Variants in NFAM1 observed in about 807,000 individuals in gnomAD.
NFAM1 encodes the protein NFAT activating protein with ITAM motif 1, also known as NFAT activation molecule 1.
Under a neutral mutation model 29.0 loss-of-function variants are expected in NFAM1, and 17 were observed. The observed-to-expected ratio is 0.59, with a 90% CI of 0.40 to 0.88. The LOEUF is 0.88. NFAM1 is among the 40% of genes least tolerant of loss of function. The pLI is 0.00. For synonymous variants in NFAM1, 175 were observed against 147.2 expected (o/e 1.19, Z -1.36); for missense variants, 324 against 344.6 (o/e 0.94, Z 0.47).
chr22:42,420,838 C>A (rs1930422225), intron 1 of NFAM1, among the ~76,000 whole-genome samples: 1 of 152,182 alleles, frequency 6.6e-6, no homozygotes, highest in Admixed American at 6.5e-5. Flanking sequence ...AAATATACTT[C>A]TTTAAAGGGA....
At chr22:42,402,831 CTTTT>C (rs35045065) in intron 3 of NFAM1, among the ~76,000 whole-genome samples, 2 of 97,120 alleles carry the variant, frequency 2.1e-5, no homozygotes, top group East Asian at 6.5e-4. Flanking sequence ...TCTGTGCCTT[CTTTT>C]TTTTTTTTTT....
At position 42,411,484 on chromosome 22, in the gene NFAM1, G is replaced by T; in HGVS notation, c.374C>A (p.Ala125Asp). The change falls in exon 2 of 6, where the codon GCC becomes GAC. Residue 125 changes from alanine to aspartate, a missense_variant. Coordinates refer to ENST00000329021, the MANE Select transcript of NFAM1 (RefSeq NM_145912.8). The stretch of plus-strand genomic sequence containing the variant: ...GACAGAGCAGTAGTAGGTGCCAGTG[G>T]CCGATGCTCCCGGCAGCACAAGGGT... Reference protein sequence around the residue: ...QVTLVLPGASATGTYYCSVHW... With the variant: ...QVTLVLPGASDTGTYYCSVHW... 6.2e-7 allele frequency: 1 copy of T among 1,614,180 alleles called. No homozygotes were observed. Among genetic ancestry groups the T allele is most frequent in the South Asian group, 1.1e-5 (1 of 91,088 alleles).
At chr22:42,434,327 G>A (rs370490203), upstream of NFAM1, among the ~76,000 whole-genome samples, 1 of 152,134 alleles carries the variant, frequency 6.6e-6, no homozygotes, top group African/African-American at 2.4e-5. Flanking sequence ...CCAACACCAC[G>A]CTGGTGCACA....
At chr22:42,435,414 C>G (rs987753552), upstream of NFAM1, among the ~76,000 whole-genome samples, 1 of 150,066 alleles carries the variant, frequency 6.7e-6, no homozygotes, top group Non-Finnish European at 1.5e-5. Context: ...ATGGCGCGAT[C>G]TCGGCTCACC....
At chr22:42,406,028 T>C (rs1929885980) in intron 3 of NFAM1, among the ~76,000 whole-genome samples, 1 of 152,212 alleles carries the variant, frequency 6.6e-6, no homozygotes, top group Non-Finnish European at 1.5e-5. Context: ...AAGACAAGGA[T>C]GGGAAACTAA....
rs933973311 is a variant in NFAM1, at chr22:42,384,849, C to G, written c.*312G>C. On this transcript the variant is annotated 3_prime_UTR_variant, in exon 6 of 6. Transcript: ENST00000329021. The stretch of plus-strand genomic sequence containing the variant: ...TCAGCATGAGGCAGTGAGCAGGGCT[C>G]TGGGCAAGGGTGGCATCCAGGAAAG... The G allele has an allele frequency of 4.3e-6, 2 of 464,812 alleles. No individual in the cohort carries two copies. Among genetic ancestry groups the G allele is most frequent in the African/African-American group, 3.9e-5 (2 of 50,736 alleles). 28.8% of individuals were successfully genotyped at this position (464,812 alleles called of 1,614,324 possible).
chr22:42,416,024 G>A (rs1168414312), intron 1 of NFAM1, among the ~76,000 whole-genome samples: 7 of 152,124 alleles, frequency 4.6e-5, no homozygotes, highest in Non-Finnish European at 2.9e-5. Flanking sequence ...TGTGGCCCGG[G>A]GGTCTAGAGG....
upstream of NFAM1, among the ~76,000 whole-genome samples, chr22:42,435,869 G>A (rs1024505601): frequency 4.0e-5 from 6 of 148,414 alleles, no homozygotes; most frequent in African/African-American, 1.5e-4. Flanking sequence ...CACTAGGCTG[G>A]AGTGCAGTGG....
At chr22:42,405,287 A>T (rs1474832200) in intron 3 of NFAM1, among the ~76,000 whole-genome samples, 1 of 152,086 alleles carries the variant, frequency 6.6e-6, no homozygotes, top group Non-Finnish European at 1.5e-5. Context: ...TTCCTTGCCT[A>T]CTGTGTTTCG....
At chr22:42,421,942 C>A (rs1406329410) in intron 1 of NFAM1, among the ~76,000 whole-genome samples, 1 of 152,206 alleles carries the variant, frequency 6.6e-6, no homozygotes, top group Non-Finnish European at 1.5e-5. Context: ...AGCAAGCGGG[C>A]AGGACACAGG....
intron 4 of NFAM1, 38 bp downstream of exon 4, chr22:42,397,820 T>C (rs1929578967): frequency 1.7e-6 from 2 of 1,167,834 alleles, no homozygotes; most frequent in African/African-American, 1.5e-5. Flanking sequence ...GCCTAAGGCC[T>C]GAAAGAGGTG....
chr22:42,425,315 G>A (rs763556571), intron 1 of NFAM1, among the ~76,000 whole-genome samples: 10 of 152,150 alleles, frequency 6.6e-5, no homozygotes, highest in Non-Finnish European at 1.3e-4. Flanking sequence ...GATTCCTTCT[G>A]TGGGATCTGT....
At chr22:42,392,046 G>C (rs1339241613) in intron 4 of NFAM1, among the ~76,000 whole-genome samples, 1 of 152,090 alleles carries the variant, frequency 6.6e-6, no homozygotes, top group East Asian at 1.9e-4. Flanking sequence ...AGATGTCTGG[G>C]CTGGAAATAT....
chr22:42,437,372 G>C (rs1041657062), upstream of NFAM1, among the ~76,000 whole-genome samples: 4 of 151,910 alleles, frequency 2.6e-5, no homozygotes, highest in African/African-American at 9.7e-5. Context: ...CGAACTCCTG[G>C]CCTCAAGTGA....
At chr22:42,435,695 G>A (rs1022475314), upstream of NFAM1, among the ~76,000 whole-genome samples, 6 of 152,050 alleles carry the variant, frequency 3.9e-5, no homozygotes, top group African/African-American at 1.4e-4. Flanking sequence ...TGTGCCTACT[G>A]CGTGCCAGGC....
chr22:42,421,624 G>A (rs1601759188), intron 1 of NFAM1, among the ~76,000 whole-genome samples: 1 of 152,076 alleles, frequency 6.6e-6, no homozygotes, highest in South Asian at 2.1e-4. Flanking sequence ...GCTCCCCACT[G>A]CATGGAACTC....
intron 1 of NFAM1, among the ~76,000 whole-genome samples, chr22:42,424,541 T>G (rs1163355157): frequency 6.6e-6 from 1 of 152,208 alleles, no homozygotes; most frequent in East Asian, 1.9e-4. Context: ...CCACCCGACC[T>G]CACAGCTGAG....
chr22:42,392,164 C>A (rs996224501), intron 4 of NFAM1, among the ~76,000 whole-genome samples: 3 of 151,102 alleles, frequency 2.0e-5, no homozygotes, highest in Non-Finnish European at 2.9e-5. Flanking sequence ...TGGGCTCCAA[C>A]ATTTACTCCA....
At chr22:42,420,327 A>G (rs117467468) in intron 1 of NFAM1, among the ~76,000 whole-genome samples, 1,561 of 152,250 alleles carry the variant, frequency 0.01, 11 homozygotes, top group Non-Finnish European at 0.013. Context: ...TAAATAAATT[A>G]GCCAGGCATG....
Sources: allele counts gnomAD v4.1 joint callset (sites outside exome capture counted in the v4.1 genomes callset), GRCh38; gene constraint gnomAD v4.1.1; transcripts MANE v1.5; gene names NCBI Gene and HGNC (gene_info 2026-07-23, HGNC 2026-07-21).